The following BID variants were observed in gnomAD, a reference collection of about 807,000 sequenced individuals.
The protein encoded by BID is BH3 interacting domain death agonist.
A neutral mutation model predicts 17.4 loss-of-function variants in BID; 19 were observed. That is an observed-to-expected ratio of 1.09 (90% confidence interval 0.76 to 1.60). BID has a LOEUF of 1.60. Ranked by LOEUF, BID falls within the 40% of genes most tolerant of loss-of-function variation. The probability of loss-of-function intolerance (pLI) is 0.00; values close to 1 mark genes in which losing one functional copy is unlikely to be tolerated. For synonymous variants in BID, 108 were observed against 102.8 expected (o/e 1.05, Z -0.31); for missense variants, 226 against 256.0 (o/e 0.88, Z 0.80).
In BID at chr22:17,769,291, G is replaced by T. The variant is rs1190684984; in HGVS notation, c.-59+5090C>A. ...TGGCTGCTGGTGTGAGTACACGGGT[G>T]ACCCTTCCACAAAGGCCCCTAGCTG... is the stretch of plus-strand genomic sequence containing the variant. On this transcript the variant is annotated intron_variant, in intron 1 of 5. Transcript: ENST00000622694. The surrounding 1 kb of genome is among the most constrained non-coding windows in gnomAD (Gnocchi z 4.8). Among the ~76,000 whole-genome samples, 4 of 152,236 alleles carry T rather than the reference G, an allele frequency of 2.6e-5. No homozygotes were observed. Among genetic ancestry groups the T allele is most frequent in the African/African-American group, 7.2e-5 (3 of 41,458 alleles).
chr22:17,773,917 C>A lies in BID; in HGVS notation c.-59+464G>T. ...AGCCCTGAGCTCCGCTCGGGAGGAG[C>A]CGGCAGGTGTCTGCGGTGCTGGAAA... On this transcript the variant is annotated intron_variant, in intron 1 of 5. Coordinates refer to ENST00000622694, the MANE Select transcript of BID (RefSeq NM_001196.4). The surrounding 1 kb of genome is among the most constrained non-coding windows in gnomAD (Gnocchi z 4.4). The A allele has an allele frequency of 3.4e-6, 2 of 587,368 alleles. No individual in the cohort carries two copies. Among genetic ancestry groups the A allele is most frequent in the Non-Finnish European group, 6.1e-6 (2 of 328,802 alleles). The allele number at this position is 587,368 out of a possible 1,614,324, so 36.4% of individuals were successfully genotyped here.
At chr22:17,743,661 TTAAG>T in intron 3 of BID, 138 bp downstream of exon 3, 1 of 826,628 alleles carries the variant, frequency 1.2e-6, no homozygotes, top group East Asian at 2.7e-5. Context: ...AGTCAAGTGA[TTAAG>T]TGATACCAGC....
At chr22:17,760,051 G>A (rs964855686) in intron 1 of BID, among the ~76,000 whole-genome samples, 2 of 148,498 alleles carry the variant, frequency 1.3e-5, no homozygotes, top group African/African-American at 2.5e-5. Context: ...GGAGAATGGC[G>A]TGAACTCGGG....
chr22:17,741,084 T>G (rs1371135408), intron 3 of BID: 1 of 152,212 alleles, frequency 6.6e-6, no homozygotes, highest in South Asian at 2.1e-4. Context: ...AAATCTCACC[T>G]TATGTTGCAA....
At chr22:17,756,233 C>T (rs956037857) in intron 1 of BID, among the ~76,000 whole-genome samples, 3 of 152,216 alleles carry the variant, frequency 2.0e-5, no homozygotes, top group South Asian at 2.1e-4. Context: ...GGGGAAACAG[C>T]GATGTTAAAA....
Position 17,771,309 on chromosome 22 carries a change from C to T in BID, c.-59+3072G>A, listed in dbSNP as rs142918708. 4.3e-3 allele frequency among the ~76,000 whole-genome samples: 650 copies of T among 152,296 alleles called. 14 individuals carry two copies. The highest frequency in any genetic ancestry group is 0.03 in the East Asian group (153 of 5,178). On this transcript the variant is annotated intron_variant, in intron 1 of 5. Coordinates refer to ENST00000622694, the MANE Select transcript of BID (RefSeq NM_001196.4). The stretch of plus-strand genomic sequence containing the variant: ...AGAGACGGGGTTTCAACGTCTTAGT[C>T]AGGACGGTCTTGATCTCCTGACCTC...
At chr22:17,754,132 G>T (rs1321357475) in intron 1 of BID, among the ~76,000 whole-genome samples, 2 of 150,130 alleles carry the variant, frequency 1.3e-5, no homozygotes, top group African/African-American at 2.5e-5. Flanking sequence ...CATTCCCCCA[G>T]TCTCCAGGAC....
At position 17,774,200 on chromosome 22, in the gene BID, C is replaced by T. The variant is rs143828056; in HGVS notation, c.-59+181G>A. On this transcript the variant is annotated intron_variant, in intron 1 of 5. Coordinates refer to ENST00000622694, the MANE Select transcript of BID (RefSeq NM_001196.4). ...GGGCGGAGGGGAGGCGGGAGAGACC[C>T]GGCCCTCAGGTCGCTGCTGAGGCCT... 3.2e-3 allele frequency among the ~76,000 whole-genome samples: 491 copies of T among 151,810 alleles called. 3 individuals are homozygous for T. The highest frequency in any genetic ancestry group is 0.012 in the African/African-American group (478 of 41,472).
intron 1 of BID, among the ~76,000 whole-genome samples, chr22:17,751,787 G>A (rs1246440950): frequency 6.6e-6 from 1 of 152,220 alleles, no homozygotes; most frequent in Non-Finnish European, 1.5e-5. Context: ...CATAGGAAGG[G>A]ACCAAGAGCA....
intron 3 of BID, chr22:17,740,449 A>C: frequency 2.9e-6 from 1 of 343,764 alleles, no homozygotes; most frequent in Non-Finnish European, 5.5e-6. Context: ...TTTTTTTTTG[A>C]GACGGAGTCT....
intron 3 of BID, 186 bp from the exon 4 acceptor site, chr22:17,739,674 C>G (rs2061444871): frequency 2.3e-5 from 18 of 768,364 alleles, no homozygotes; most frequent in Non-Finnish European, 3.4e-5. Context: ...GAGCTGGGTT[C>G]TGGGCAGTGC....
intron 2 of BID, 150 bp from the exon 3 acceptor site, chr22:17,744,163 C>G (rs1279932235): frequency 4.4e-6 from 3 of 686,588 alleles, no homozygotes; most frequent in Admixed American, 2.8e-5. Context: ...CAGGAGGTCT[C>G]AACAGGCAGA....
intron 1 of BID, among the ~76,000 whole-genome samples, chr22:17,754,938 T>C (rs2061570503): frequency 6.6e-6 from 1 of 151,656 alleles, no homozygotes; most frequent in South Asian, 2.1e-4. Context: ...CTAATTTTTG[T>C]ATTTTTAGTA....
In BID at chr22:17,739,661, G is replaced by A. The variant is rs556821196; in HGVS notation, c.224-173C>T. 33 of 855,368 alleles carry A rather than the reference G, an allele frequency of 3.9e-5. 1 individual carries two copies. Among genetic ancestry groups the A allele is most frequent in the Middle Eastern group, 3.5e-4 (1 of 2,844 alleles). The allele number at this position is 855,368 out of a possible 1,614,324, so 53.0% of individuals were successfully genotyped here. On this transcript the variant is annotated intron_variant, in intron 3 of 5. Coordinates refer to ENST00000622694, the MANE Select transcript of BID (RefSeq NM_001196.4). Reference sequence around the variant, plus strand: ...CACAGCGGGCGGGCTGAGTACCAGCGCTGAGCTGGGTTCTGGGCAGTGCCG... The same window carrying A: ...CACAGCGGGCGGGCTGAGTACCAGCACTGAGCTGGGTTCTGGGCAGTGCCG...
intron 3 of BID, among the ~76,000 whole-genome samples, chr22:17,741,965 C>A (rs181397): frequency 0.81 from 122,967 of 152,110 alleles, 49,809 homozygotes; most frequent in East Asian, 0.93. Flanking sequence ...CCCCCAGCAC[C>A]GAATCTGTGC....
chr22:17,756,936 A>G (rs550206802), intron 1 of BID, among the ~76,000 whole-genome samples: 1 of 147,578 alleles, frequency 6.8e-6, no homozygotes, highest in East Asian at 1.9e-4. Context: ...TACATGGTGC[A>G]GTGAGAGTTC....
chr22:17,773,791 C>A lies in BID; in HGVS notation c.-59+590G>T, dbSNP rs1046793665. 4.6e-6 allele frequency: 5 copies of A among 1,091,498 alleles called. No homozygotes were observed. The African/African-American group carries it at 6.3e-5, about 14-fold the overall frequency. 67.6% of individuals were successfully genotyped at this position (1,091,498 alleles called of 1,614,324 possible). On this transcript the variant is annotated intron_variant, in intron 1 of 5. Transcript: ENST00000622694. This position sits in a 1 kb window ranked among gnomAD's most constrained non-coding sequence, Gnocchi z 4.4. ...GGTCCCCTGGGGTCATTCAGCCACT[C>A]AACAGTTTCCCAGCAGCAGCAGCGA...
intron 2 of BID, among the ~76,000 whole-genome samples, chr22:17,745,621 A>G (rs1176140482): frequency 1.3e-5 from 2 of 151,910 alleles, no homozygotes; most frequent in African/African-American, 4.8e-5. Context: ...CTGCACTCCA[A>G]CCTGGGTGAC....
chr22:17,768,794 A>C (rs1601882862), intron 1 of BID, among the ~76,000 whole-genome samples: 2 of 147,736 alleles, frequency 1.4e-5, no homozygotes, highest in South Asian at 4.3e-4. Context: ...ATGGCGTGAA[A>C]CTCGGGAGGC....
Sources: gnomAD v4.1 joint callset for allele counts (sites outside exome capture counted in the v4.1 genomes callset) on GRCh38, gnomAD v4.1.1 for gene constraint, Gnocchi (gnomAD v3.1) non-coding constraint, MANE v1.5 for transcripts, NCBI Gene and HGNC (gene_info 2026-07-23, HGNC 2026-07-21) for gene names.